HTATIP2: variants seen among roughly 807,000 people sequenced by gnomAD.
HTATIP2 encodes the protein protein HTATIP2.
HTATIP2 carries 26 observed loss-of-function variants against 24.7 expected under a neutral mutation model. The observed-to-expected ratio is 1.05, with a 90% confidence interval of 0.77 to 1.46. The LOEUF (loss-of-function observed/expected upper bound fraction) is 1.46. Among genes scored for constraint, HTATIP2 ranks in the 40% most tolerant of loss-of-function variants. The pLI is 0.00. For synonymous variants in HTATIP2, 99 were observed against 113.2 expected (o/e 0.87, Z 0.79); for missense variants, 284 against 289.6 (o/e 0.98, Z 0.14).
chr11:20,372,677 G>T (rs1332373413), intron 2 of HTATIP2, among the ~76,000 whole-genome samples: 1 of 152,186 alleles, frequency 6.6e-6, no homozygotes, highest in Non-Finnish European at 1.5e-5. Context: ...CATGGTTAGG[G>T]AAACTAAGTA....
intron 1 of HTATIP2, 77 bp from the exon 2 acceptor site, chr11:20,367,097 A>G: frequency 6.6e-7 from 1 of 1,525,948 alleles, no homozygotes; most frequent in African/African-American, 1.4e-5. Flanking sequence ...TCTGTAACTT[A>G]GTCTTTAAAT....
chr11:20,367,118 T>C, intron 1 of HTATIP2, 56 bp from the exon 2 acceptor site: 1 of 1,583,536 alleles, frequency 6.3e-7, no homozygotes, highest in South Asian at 1.1e-5. Flanking sequence ...CTAGAGGGGG[T>C]TTTTGGTCTG....
chr11:20,381,628 G>A (rs1848522935), intron 3 of HTATIP2, among the ~76,000 whole-genome samples: 1 of 152,070 alleles, frequency 6.6e-6, no homozygotes, highest in Admixed American at 6.6e-5. Context: ...AGTGCCTGTG[G>A]GCTGAGCTCC....
At chr11:20,375,778 G>T (rs1345122291) in intron 2 of HTATIP2, among the ~76,000 whole-genome samples, 1 of 152,186 alleles carries the variant, frequency 6.6e-6, no homozygotes, top group Non-Finnish European at 1.5e-5. Context: ...GGGTAAAGGT[G>T]CATGCTTTTC....
chr11:20,378,461 C>G (rs1029259225), intron 3 of HTATIP2, among the ~76,000 whole-genome samples: 4 of 152,054 alleles, frequency 2.6e-5, no homozygotes, highest in African/African-American at 7.2e-5. Context: ...AGGGATCAGG[C>G]CCAACTTGTT....
In HTATIP2 at chr11:20,363,942, G is replaced by C. The variant is rs2064663285; in HGVS notation, c.-296G>C. 2.4e-6 allele frequency: 3 copies of C among 1,244,656 alleles called. No individual in the cohort carries two copies. The highest frequency in any genetic ancestry group is 3.0e-6 in the Non-Finnish European group (3 of 991,642). 77.1% of individuals were successfully genotyped at this position (1,244,656 alleles called of 1,614,324 possible). A position where few individuals can be genotyped will look rare whatever the true frequency, so the allele number is the denominator to read the frequency against. On this transcript the variant is annotated 5_prime_UTR_variant, in exon 1 of 5. Coordinates refer to ENST00000451739, the MANE Select transcript of HTATIP2 (RefSeq NM_001098522.2). ...CCCCTCCGCGTATGGGACCGAGCTGGGCCAGGTCTCCTGGCCGGGCCGGGG... is the reference window on the plus strand; with the variant it reads ...CCCCTCCGCGTATGGGACCGAGCTGCGCCAGGTCTCCTGGCCGGGCCGGGG...
At chr11:20,366,551 G>A (rs7928503) in intron 1 of HTATIP2, among the ~76,000 whole-genome samples, 57,998 of 151,802 alleles carry the variant, frequency 0.38, 11,172 homozygotes, top group South Asian at 0.5. Context: ...ATGGAGGTTC[G>A]TAAACTTCTG....
chr11:20,382,931 A>G (rs781764264), intron 4 of HTATIP2, 49 bp from the exon 5 acceptor site: 1 of 1,429,106 alleles, frequency 7.0e-7, no homozygotes, highest in South Asian at 1.3e-5. Context: ...AGTGCAATTT[A>G]CCACCTCTTC....
chr11:20,377,507 T>C (rs16906155), intron 3 of HTATIP2, among the ~76,000 whole-genome samples: 13,329 of 152,314 alleles, frequency 0.088, 775 homozygotes, highest in Admixed American at 0.17. Flanking sequence ...ACCTTTCAGT[T>C]AAATTGATGC....
chr11:20,367,300 CT>C lies in HTATIP2; in HGVS notation c.303+23del, dbSNP rs1187322388. The C allele has an allele frequency of 6.2e-7, 1 of 1,613,564 alleles. No homozygotes were observed. Among genetic ancestry groups the C allele is most frequent in the Non-Finnish European group, 8.5e-7 (1 of 1,179,980 alleles). On this transcript the variant is annotated intron_variant, in intron 2 of 4. Transcript: ENST00000451739. ...TGGGGCGGTAAGGAAGGCATATGCT[CT>C]TTTCCCTTTTTGCTGGCCAGTAATA...
At chr11:20,379,824 G>T (rs1169031867) in intron 3 of HTATIP2, among the ~76,000 whole-genome samples, 1 of 152,158 alleles carries the variant, frequency 6.6e-6, no homozygotes, top group Non-Finnish European at 1.5e-5. Flanking sequence ...TGTATTGAGG[G>T]ATCCTCAAAG....
intron 2 of HTATIP2, among the ~76,000 whole-genome samples, chr11:20,368,025 A>G (rs1476124704): frequency 1.3e-5 from 2 of 152,172 alleles, no homozygotes; most frequent in Admixed American, 6.5e-5. Flanking sequence ...CTGGAGCTGA[A>G]AAAACCTGCA....
chr11:20,380,870 C>T (rs1848509696), intron 3 of HTATIP2, among the ~76,000 whole-genome samples: 1 of 152,092 alleles, frequency 6.6e-6, no homozygotes, highest in African/African-American at 2.4e-5. Flanking sequence ...ATACATACTA[C>T]AACATGGGTG....
chr11:20,383,244 C>T lies in HTATIP2; in HGVS notation c.*39C>T, dbSNP rs766586797. On this transcript the variant is annotated 3_prime_UTR_variant, in exon 5 of 5. Transcript: ENST00000451739. ...ATGGTTTTTATTGTCAACCTTAACA[C>T]CCATCACCAAATCGGTAATTTCAGG... 8.2e-6 allele frequency: 12 copies of T among 1,464,002 alleles called. No individual in the cohort carries two copies. In the Admixed American group the frequency reaches 1.3e-4, roughly 16 times the overall value. The allele number at this position is 1,464,002 out of a possible 1,614,324, so 90.7% of individuals were successfully genotyped here.
intron 2 of HTATIP2, among the ~76,000 whole-genome samples, chr11:20,371,452 A>G (rs1056373571): frequency 6.6e-6 from 1 of 152,120 alleles, no homozygotes; most frequent in African/African-American, 2.4e-5. Flanking sequence ...TCCATCGCCC[A>G]GGCTGGAGTG....
At chr11:20,382,007 C>G (rs949951502) in intron 3 of HTATIP2, among the ~76,000 whole-genome samples, 171 bp from the exon 4 acceptor site, 2 of 152,200 alleles carry the variant, frequency 1.3e-5, no homozygotes, top group Non-Finnish European at 2.9e-5. Context: ...ATTAAATGAT[C>G]TCTTCCTTAA....
intron 1 of HTATIP2, among the ~76,000 whole-genome samples, chr11:20,365,747 G>T (rs956696596): frequency 1.3e-5 from 2 of 152,038 alleles, no homozygotes; most frequent in Non-Finnish European, 2.9e-5. Flanking sequence ...CGAGGCAGGG[G>T]ATCTCTTGAG....
At chr11:20,364,463 C>T (rs2064673879) in intron 1 of HTATIP2, 31 bp downstream of exon 1, 1 of 1,543,286 alleles carries the variant, frequency 6.5e-7, no homozygotes, top group Non-Finnish European at 8.9e-7. Context: ...TCAAATGGAC[C>T]CCCAGGATTC....
intron 4 of HTATIP2, 25 bp downstream of exon 4, chr11:20,382,264 G>A (rs765068091): frequency 2.3e-6 from 3 of 1,325,002 alleles, no homozygotes; most frequent in South Asian, 2.4e-5. Context: ...TATACTGAAT[G>A]AGAGTATGCC....
Sources: gnomAD v4.1 joint callset for allele counts (sites outside exome capture counted in the v4.1 genomes callset) on GRCh38, gnomAD v4.1.1 for gene constraint, MANE v1.5 for transcripts, NCBI Gene and HGNC (gene_info 2026-07-23, HGNC 2026-07-21) for gene names.